CCSER1: variants seen among roughly 807,000 people sequenced by gnomAD.
The protein encoded by CCSER1 is coiled-coil serine rich protein 1.
Under a neutral mutation model 82.0 loss-of-function variants are expected in CCSER1, and 41 were observed. The ratio of observed to expected loss-of-function variants is 0.50; its 90% CI spans 0.39 to 0.65. CCSER1 has a LOEUF of 0.65. Ranked by LOEUF, CCSER1 falls within the 30% of genes least tolerant of loss-of-function variation. The pLI, the probability that CCSER1 is intolerant of heterozygous loss-of-function variation, is 0.00. For missense variants in CCSER1, 1,119 were observed against 1,064.2 expected (o/e 1.05, Z -0.72); for synonymous variants, 414 against 383.9 (o/e 1.08, Z -0.92).
intron 8 of CCSER1, among the ~76,000 whole-genome samples, chr4:90,844,701 C>A (rs1343700477): frequency 6.6e-6 from 1 of 152,052 alleles, no homozygotes; most frequent in African/African-American, 2.4e-5. Context: ...TTTTTCTCTG[C>A]ATAGCATTTT....
At chr4:90,860,985 C>T (rs1765015900) in intron 8 of CCSER1, among the ~76,000 whole-genome samples, 1 of 151,374 alleles carries the variant, frequency 6.6e-6, no homozygotes, top group African/African-American at 2.4e-5. Flanking sequence ...CTGAAGTGTA[C>T]ACTTTGAAAG....
At chr4:90,399,982 T>G (rs754277088) in intron 3 of CCSER1, 54 bp from the exon 4 acceptor site, 1 of 987,058 alleles carries the variant, frequency 1.0e-6, no homozygotes, top group Non-Finnish European at 1.6e-6. Context: ...TATGAGTATT[T>G]CCTCATTTAC....
chr4:91,498,681 GATC>G (rs1759057275), intron 10 of CCSER1, among the ~76,000 whole-genome samples: 1 of 151,344 alleles, frequency 6.6e-6, no homozygotes, highest in African/African-American at 2.4e-5. Flanking sequence ...GGAATTATCT[GATC>G]ATATTTCTGT....
chr4:90,565,873 T>TC (rs1779306617), intron 5 of CCSER1, among the ~76,000 whole-genome samples: 1 of 151,796 alleles, frequency 6.6e-6, no homozygotes, highest in Non-Finnish European at 1.5e-5. Context: ...GATTTTTTTT[T>TC]TTTTTTTGAG....
In CCSER1 at chr4:90,589,779, C is replaced by G. The variant is rs146303561; in HGVS notation, c.1725-38246C>G. 4.6e-3 allele frequency among the ~76,000 whole-genome samples: 704 copies of G among 151,772 alleles called. 1 individual carries two copies. The highest frequency in any genetic ancestry group is 6.2e-3 in the Non-Finnish European group (423 of 67,904). ...AAGGTGCAGTCTCTTTCAGAGAATT[C>G]TAAAAAAAAATCACATTCTATTTAA... On this transcript the variant is annotated intron_variant, in intron 5 of 10. Coordinates refer to ENST00000509176, the MANE Select transcript of CCSER1 (RefSeq NM_001145065.2).
At chr4:91,440,896 T>C (rs1295040699) in intron 10 of CCSER1, among the ~76,000 whole-genome samples, 1 of 152,180 alleles carries the variant, frequency 6.6e-6, no homozygotes, top group Non-Finnish European at 1.5e-5. Flanking sequence ...CCTCGACACA[T>C]ACACCCTCCC....
chr4:90,383,359 C>T (rs1749513785), intron 3 of CCSER1, among the ~76,000 whole-genome samples: 1 of 151,976 alleles, frequency 6.6e-6, no homozygotes, highest in Admixed American at 6.6e-5. Flanking sequence ...TCAACTTTAC[C>T]CTCACTTTAC....
intron 10 of CCSER1, among the ~76,000 whole-genome samples, chr4:91,235,107 A>G (rs1369645624): frequency 2.0e-5 from 3 of 152,126 alleles, no homozygotes; most frequent in Non-Finnish European, 4.4e-5. Flanking sequence ...AGCACTTAGA[A>G]CAATATATAG....
At position 90,980,063 on chromosome 4, in the gene CCSER1, A is replaced by T. The variant is rs768763870; in HGVS notation, c.2172+56616A>T. Among the ~76,000 whole-genome samples, 27 of 151,868 alleles carry T rather than the reference A, an allele frequency of 1.8e-4. 1 individual carries two copies. Among genetic ancestry groups the T allele is most frequent in the African/African-American group, 7.2e-5 (3 of 41,394 alleles). On this transcript the variant is annotated intron_variant, in intron 9 of 10. Coordinates refer to ENST00000509176, the MANE Select transcript of CCSER1 (RefSeq NM_001145065.2). The stretch of plus-strand genomic sequence containing the variant: ...GCTATAAAGTTTAGTAAGGAGATAA[A>T]TAATCAGGGTGGATGCTATTTTGGA...
At chr4:91,465,840 C>G (rs1004499626) in intron 10 of CCSER1, among the ~76,000 whole-genome samples, 1 of 152,100 alleles carries the variant, frequency 6.6e-6, no homozygotes, top group African/African-American at 2.4e-5. Flanking sequence ...CTAACAGGCT[C>G]TGAAATTTAG....
At chr4:90,233,932 T>G (rs1056862175) in intron 1 of CCSER1, among the ~76,000 whole-genome samples, 1 of 152,224 alleles carries the variant, frequency 6.6e-6, no homozygotes, top group African/African-American at 2.4e-5. Context: ...ATACGTTGTT[T>G]CTATTAAAAT....
intron 7 of CCSER1, among the ~76,000 whole-genome samples, chr4:90,791,168 C>G (rs1695320460): frequency 6.6e-6 from 1 of 152,102 alleles, no homozygotes; most frequent in Non-Finnish European, 1.5e-5. Context: ...TGAGGACTTA[C>G]TATCATGAGG....
chr4:90,440,022 C>T (rs1239618502), intron 4 of CCSER1, among the ~76,000 whole-genome samples: 1 of 151,150 alleles, frequency 6.6e-6, no homozygotes, highest in Non-Finnish European at 1.5e-5. Context: ...TTTTTTTAGA[C>T]AGAATCTTGC....
chr4:91,524,393 A>AT (rs1039426850), intron 10 of CCSER1, among the ~76,000 whole-genome samples: 1 of 152,174 alleles, frequency 6.6e-6, no homozygotes, highest in African/African-American at 2.4e-5. Context: ...AGGAAAGCAG[A>AT]TTTTTCAGTT....
intron 10 of CCSER1, among the ~76,000 whole-genome samples, chr4:91,466,092 C>A (rs1337559563): frequency 6.6e-6 from 1 of 152,100 alleles, no homozygotes; most frequent in Non-Finnish European, 1.5e-5. Flanking sequence ...AACATTGATG[C>A]AAAAATCCTC....
chr4:90,854,883 C>G (rs186738700), intron 8 of CCSER1, among the ~76,000 whole-genome samples: 3 of 152,164 alleles, frequency 2.0e-5, no homozygotes, highest in African/African-American at 7.2e-5. Flanking sequence ...ACTCACAGTT[C>G]CACTGGCTCT....
At chr4:90,843,607 C>T (rs1762834691) in intron 8 of CCSER1, among the ~76,000 whole-genome samples, 1 of 152,154 alleles carries the variant, frequency 6.6e-6, no homozygotes, top group Non-Finnish European at 1.5e-5. Flanking sequence ...TCTGATTTTA[C>T]AACACACAAC....
intron 10 of CCSER1, among the ~76,000 whole-genome samples, chr4:91,574,440 A>G (rs750839368): frequency 6.6e-6 from 1 of 151,996 alleles, no homozygotes; most frequent in Non-Finnish European, 1.5e-5. Context: ...AAACACATGC[A>G]CTCGTATGTT....
At chr4:91,221,518 T>A (rs907029585) in intron 10 of CCSER1, among the ~76,000 whole-genome samples, 4 of 152,072 alleles carry the variant, frequency 2.6e-5, no homozygotes, top group Non-Finnish European at 5.9e-5. Flanking sequence ...CTGAGAAAAA[T>A]TAATATTTGT....
Sources: allele counts gnomAD v4.1 joint callset (sites outside exome capture counted in the v4.1 genomes callset), GRCh38; gene constraint gnomAD v4.1.1; transcripts MANE v1.5; gene names NCBI Gene and HGNC (gene_info 2026-07-23, HGNC 2026-07-21).